Variants in FAM163A observed in about 807,000 individuals in gnomAD.
The protein encoded by FAM163A is protein FAM163A.
FAM163A carries 7 observed loss-of-function variants against 12.0 expected under a neutral mutation model. The observed-to-expected ratio is 0.58, with a 90% CI of 0.33 to 1.10. The LOEUF (loss-of-function observed/expected upper bound fraction) is 1.10. Ranked by LOEUF, FAM163A falls within the 50% of genes least tolerant of loss-of-function variation. The pLI, the probability that FAM163A is intolerant of heterozygous loss-of-function variation, is 0.03. For missense variants in FAM163A, 202 were observed against 218.6 expected, an observed-to-expected ratio of 0.92 and a Z score of 0.48; for synonymous variants, 101 against 91.0, an observed-to-expected ratio of 1.11 and a Z score of -0.62.
At chr1:179,797,177 C>T (rs936317969) in intron 1 of FAM163A, among the ~76,000 whole-genome samples, 14 of 152,144 alleles carry the variant, frequency 9.2e-5, no homozygotes, top group Non-Finnish European at 1.5e-4. Flanking sequence ...CCAGGTGCGA[C>T]GGCTCACACC....
chr1:179,781,563 T>C (rs373385431), intron 1 of FAM163A, among the ~76,000 whole-genome samples: 1 of 152,120 alleles, frequency 6.6e-6, no homozygotes, highest in South Asian at 2.1e-4. Context: ...GTACCTTTAC[T>C]TGGAGTAAAT....
chr1:179,783,496 CT>C (rs1045339060), intron 1 of FAM163A, among the ~76,000 whole-genome samples: 15 of 151,500 alleles, frequency 9.9e-5, no homozygotes, highest in African/African-American at 2.4e-4. Flanking sequence ...TGATCAACAC[CT>C]TTTTTTTATT....
At chr1:179,729,906 G>T in the FAM163A span, among the ~76,000 whole-genome samples, 1 of 152,190 alleles carries the variant, frequency 6.6e-6, no homozygotes, top group African/African-American at 2.4e-5. Flanking sequence ...GGCATAGCGA[G>T]GATGCATATG....
chr1:179,783,153 C>CCATT (rs1346232737), intron 1 of FAM163A, among the ~76,000 whole-genome samples: 3 of 150,358 alleles, frequency 2.0e-5, no homozygotes, highest in East Asian at 1.9e-4. Context: ...AAGGAAAAAG[C>CCATT]CATTCATTCA....
At chr1:179,793,858 T>C (rs1204580282) in intron 1 of FAM163A, among the ~76,000 whole-genome samples, 1 of 152,242 alleles carries the variant, frequency 6.6e-6, no homozygotes, top group East Asian at 1.9e-4. Flanking sequence ...TGGGTGGCTG[T>C]TGCCGGCCCA....
At chr1:179,783,790 T>A (rs1690186792) in intron 1 of FAM163A, among the ~76,000 whole-genome samples, 1 of 146,162 alleles carries the variant, frequency 6.8e-6, no homozygotes, top group Non-Finnish European at 1.5e-5. Flanking sequence ...ATTATATAAT[T>A]TATTATATAA....
intron 1 of FAM163A, among the ~76,000 whole-genome samples, chr1:179,780,401 CCAT>C (rs1689549469): frequency 6.6e-6 from 1 of 152,158 alleles, no homozygotes; most frequent in Non-Finnish European, 1.5e-5. Context: ...TTGCCAGTGA[CCAT>C]CATCAAGACA....
intron 1 of FAM163A, among the ~76,000 whole-genome samples, chr1:179,781,275 C>T (rs375172465): frequency 2.6e-5 from 4 of 152,268 alleles, no homozygotes; most frequent in African/African-American, 9.6e-5. Flanking sequence ...CTGAATTGTA[C>T]ACTTTCAGAT....
At chr1:179,764,470 A>C (rs1399455706) in intron 1 of FAM163A, among the ~76,000 whole-genome samples, 1 of 152,200 alleles carries the variant, frequency 6.6e-6, no homozygotes, top group African/African-American at 2.4e-5. Context: ...CCAGCAGCTC[A>C]AATTCTGTAC....
chr1:179,758,776 T>C (rs1557903420), intron 1 of FAM163A, among the ~76,000 whole-genome samples: 1 of 152,194 alleles, frequency 6.6e-6, no homozygotes, highest in Non-Finnish European at 1.5e-5. Context: ...GTTCCTTGAA[T>C]CCTCCACCCC....
At chr1:179,760,742 G>A (rs1053246383) in intron 1 of FAM163A, among the ~76,000 whole-genome samples, 5 of 152,212 alleles carry the variant, frequency 3.3e-5, no homozygotes, top group Admixed American at 2.6e-4. Context: ...CTCCAGCACT[G>A]TCTGGTCTTC....
At chr1:179,797,486 C>T (rs182302201) in intron 1 of FAM163A, among the ~76,000 whole-genome samples, 9 of 152,156 alleles carry the variant, frequency 5.9e-5, no homozygotes, top group East Asian at 1.9e-4. Context: ...TCAAGACAGG[C>T]GGCATAAGTT....
intron 1 of FAM163A, among the ~76,000 whole-genome samples, chr1:179,783,826 TTA>T (rs1047294828): frequency 2.6e-5 from 3 of 114,034 alleles, no homozygotes; most frequent in East Asian, 2.2e-4. Flanking sequence ...TATTATATAA[TTA>T]TATATATAAA....
chr1:179,762,411 C>G (rs1316853333), intron 1 of FAM163A, among the ~76,000 whole-genome samples: 2 of 152,088 alleles, frequency 1.3e-5, no homozygotes, highest in Non-Finnish European at 2.9e-5. Flanking sequence ...GAGGTGTTCA[C>G]CTGGTTGCGC....
chr1:179,808,425 A>G (rs1694250467), intron 2 of FAM163A, among the ~76,000 whole-genome samples: 1 of 152,202 alleles, frequency 6.6e-6, no homozygotes, highest in African/African-American at 2.4e-5. Flanking sequence ...GGGGTTGTCA[A>G]TTCATCCCAA....
intron 1 of FAM163A, among the ~76,000 whole-genome samples, chr1:179,769,114 C>G (rs949648852): frequency 6.6e-6 from 1 of 152,082 alleles, no homozygotes; most frequent in East Asian, 1.9e-4. Flanking sequence ...ATTCTCTCTA[C>G]TTTTGAATAT....
chr1:179,761,960 A>C (rs984449973), intron 1 of FAM163A, among the ~76,000 whole-genome samples: 1 of 152,222 alleles, frequency 6.6e-6, no homozygotes, highest in African/African-American at 2.4e-5. Flanking sequence ...ATTGCTGGTG[A>C]ATCACAGAGC....
intron 4 of FAM163A, among the ~76,000 whole-genome samples, 158 bp from the exon 5 acceptor site, chr1:179,813,621 A>C (rs1331772759): frequency 3.3e-5 from 5 of 152,156 alleles, no homozygotes; most frequent in Admixed American, 2.0e-4. Context: ...GGCCTTGCAA[A>C]GCTGGGATTA....
At chr1:179,737,664 T>C in the FAM163A span, among the ~76,000 whole-genome samples, 1 of 151,982 alleles carries the variant, frequency 6.6e-6, no homozygotes, top group East Asian at 1.9e-4. Context: ...TGAAACTCCG[T>C]CTCTACTAAA....
Sources: allele counts gnomAD v4.1 joint callset (sites outside exome capture counted in the v4.1 genomes callset), GRCh38; gene constraint gnomAD v4.1.1; transcripts MANE v1.5; gene names NCBI Gene and HGNC (gene_info 2026-07-23, HGNC 2026-07-21).